Variants in GINS3 observed in about 807,000 individuals in gnomAD.
The protein encoded by GINS3 is DNA replication complex GINS protein PSF3.
GINS3 carries 18 observed loss-of-function variants against 20.0 expected under a neutral mutation model. That is an observed-to-expected ratio of 0.90 (90% CI 0.62 to 1.33). The LOEUF (loss-of-function observed/expected upper bound fraction) is 1.33, where lower values mean the gene tolerates loss of function less well. Among genes scored for constraint, GINS3 ranks in the 40% most tolerant of loss-of-function variants. GINS3 has a pLI of 0.00. For missense variants in GINS3, 254 were observed against 273.6 expected (o/e 0.93, Z 0.51); for synonymous variants, 109 against 107.0 (o/e 1.02, Z -0.12).
Position 58,392,712 on chromosome 16 carries a change from GA to G in GINS3, c.112del (p.Thr38ProfsTer128). 6.2e-7 allele frequency: 1 copy of G among 1,614,224 alleles called. No individual in the cohort carries two copies. Among genetic ancestry groups the G allele is most frequent in the Non-Finnish European group, 8.5e-7 (1 of 1,180,048 alleles). On this transcript the variant is annotated frameshift_variant, in exon 1 of 3. Transcript: ENST00000318129. LOFTEE classifies it high-confidence loss of function. The part of the protein sequence containing the change: ...SHEKLPVRTE[T>X]AMPRLGAFFL... The stretch of plus-strand genomic sequence containing the variant: ...ACGAGAAGCTGCCGGTGCGCACGGA[GA>G]CCGCCATGCCTCGCCTTGGCGCTTT...
chr16:58,403,462 C>T (rs1253146794), intron 2 of GINS3, 131 bp downstream of exon 2: 7 of 641,682 alleles, frequency 1.1e-5, no homozygotes, highest in Non-Finnish European at 1.9e-5. Context: ...CCTACAGTTA[C>T]ACTGTCTGTC....
chr16:58,406,109 A>G lies in GINS3; in HGVS notation c.*1380A>G, dbSNP rs911965075. The G allele has an allele frequency of 1.8e-5, 2 of 111,952 alleles. No individual in the cohort carries two copies. Among genetic ancestry groups the G allele is most frequent in the African/African-American group, 3.7e-5 (1 of 27,326 alleles). The allele number at this position is 111,952 out of a possible 1,614,324, so 6.9% of individuals were successfully genotyped here. On this transcript the variant is annotated 3_prime_UTR_variant, in exon 3 of 3. Coordinates refer to ENST00000318129, the MANE Select transcript of GINS3 (RefSeq NM_022770.4). ...AGCTATCAGAATTGTGTCTTTGATC[A>G]TATTTGACGGTAATACACAAATCCA...
chr16:58,401,680 G>A (rs1231079385), intron 1 of GINS3, among the ~76,000 whole-genome samples: 1 of 152,210 alleles, frequency 6.6e-6, no homozygotes, highest in African/African-American at 2.4e-5. Context: ...CAACCCAGAA[G>A]CCCAGCCGGC....
At chr16:58,397,840 G>A (rs1405995156) in intron 1 of GINS3, among the ~76,000 whole-genome samples, 1 of 152,130 alleles carries the variant, frequency 6.6e-6, no homozygotes, top group Non-Finnish European at 1.5e-5. Context: ...GAGAGGGAAA[G>A]GGAGAGGGAG....
chr16:58,403,490 T>TACACACACAC (rs112280214), intron 2 of GINS3, 159 bp downstream of exon 2: 1 of 563,478 alleles, frequency 1.8e-6, no homozygotes, highest in African/African-American at 2.1e-5. Flanking sequence ...TATATTTACA[T>TACACACACAC]ATATACACAC....
intron 1 of GINS3, among the ~76,000 whole-genome samples, chr16:58,402,484 C>T (rs1246121634): frequency 1.1e-4 from 17 of 152,192 alleles, no homozygotes; most frequent in African/African-American, 4.1e-4. Context: ...TTGGCTCTTA[C>T]TGCTTCATTC....
chr16:58,395,179 G>T, intron 1 of GINS3: 1 of 425,582 alleles, frequency 2.3e-6, no homozygotes, highest in South Asian at 7.0e-5. Flanking sequence ...AGGCTCCAGA[G>T]ATCCTCCCAC....
chr16:58,404,512 GT>G lies in GINS3; in HGVS notation c.438del (p.Arg147AlafsTer19), dbSNP rs768487267. 2.0e-5 allele frequency: 32 copies of G among 1,613,800 alleles called. No homozygotes were observed. The highest frequency in any genetic ancestry group is 1.5e-5 in the Non-Finnish European group (18 of 1,179,850). On this transcript the variant is annotated frameshift_variant, in exon 3 of 3. Coordinates refer to ENST00000318129, the MANE Select transcript of GINS3 (RefSeq NM_022770.4). LOFTEE classifies it high-confidence loss of function. ...CTTGTTTCCCAGACTTTTATCGGAC[GT>G]TTTCGCCGCATCATGGACTCCTCAC... is the stretch of plus-strand genomic sequence containing the variant. ...SQSLLQTFIG[R>X]FRRIMDSSQN...
At chr16:58,393,396 A>G (rs1208564788) in intron 1 of GINS3, among the ~76,000 whole-genome samples, 2 of 152,184 alleles carry the variant, frequency 1.3e-5, no homozygotes, top group African/African-American at 2.4e-5. Flanking sequence ...CCAAGGCCAT[A>G]TGGCTTCAAA....
rs949176759 is a variant in GINS3 at position 58,406,132 on chromosome 16, C to T, written c.*1403C>T. On this transcript the variant is annotated 3_prime_UTR_variant, in exon 3 of 3. Coordinates refer to ENST00000318129, the MANE Select transcript of GINS3 (RefSeq NM_022770.4). The stretch of plus-strand genomic sequence containing the variant: ...TCATATTTGACGGTAATACACAAAT[C>T]CATGTTTTAGCAGCTGCTCTTTTGC... 2 of 92,986 alleles carry T rather than the reference C, an allele frequency of 2.2e-5. No individual in the cohort carries two copies. The highest frequency in any genetic ancestry group is 4.7e-5 in the Non-Finnish European group (2 of 42,620). The allele number at this position is 92,986 out of a possible 1,614,324, so 5.8% of individuals were successfully genotyped here.
chr16:58,404,759 C>A lies in GINS3; in HGVS notation c.*30C>A. ...CGGAAGAACACAGAATGGCTCCTCA[C>A]AGACGTATCCCTCCGTGTGTCCTTG... On this transcript the variant is annotated 3_prime_UTR_variant, in exon 3 of 3. Transcript: ENST00000318129. The A allele has an allele frequency of 1.3e-6, 2 of 1,495,604 alleles. No homozygotes were observed. The highest frequency in any genetic ancestry group is 1.9e-6 in the Non-Finnish European group (2 of 1,078,048). The allele number at this position is 1,495,604 out of a possible 1,614,324, so 92.6% of individuals were successfully genotyped here. A position where few individuals can be genotyped will look rare whatever the true frequency, so the allele number is the denominator to read the frequency against.
At position 58,403,317 on chromosome 16, in the gene GINS3, C is replaced by A; in HGVS notation, c.406C>A (p.Gln136Lys). ...FDSPENADIS[Q>K]SLLQTFIGRF... ...CAGTCCCGAGAATGCAGACATTTCC[C>A]AGTCTCTGCTGCAGGCAAGTAATGG... The change falls in exon 2 of 3, where the codon CAG (glutamine) becomes AAG (lysine). Residue 136 changes from glutamine to lysine, a missense_variant. Transcript: ENST00000318129. The A allele has an allele frequency of 6.2e-7, 1 of 1,613,824 alleles. No homozygotes were observed. Among genetic ancestry groups the A allele is most frequent in the Non-Finnish European group, 8.5e-7 (1 of 1,179,878 alleles).
intron 1 of GINS3, among the ~76,000 whole-genome samples, chr16:58,399,248 C>T (rs1407541394): frequency 1.3e-5 from 2 of 150,956 alleles, no homozygotes; most frequent in Non-Finnish European, 2.9e-5. Flanking sequence ...TAGAAGACCA[C>T]TGCACTCCAG....
chr16:58,403,767 C>G (rs1330277615), intron 2 of GINS3: 1 of 178,622 alleles, frequency 5.6e-6, no homozygotes, highest in Non-Finnish European at 1.2e-5. Flanking sequence ...GGCTATGGTG[C>G]ATTACAGGTG....
Position 58,404,780 on chromosome 16 carries a change from C to A in GINS3, c.*51C>A. ...CTCACAGACGTATCCCTCCGTGTGT[C>A]CTTGATAGGAGCTGGTTGACCTTGT... On this transcript the variant is annotated 3_prime_UTR_variant, in exon 3 of 3. Coordinates refer to ENST00000318129, the MANE Select transcript of GINS3 (RefSeq NM_022770.4). The A allele has an allele frequency of 7.7e-7, 1 of 1,300,386 alleles. No homozygotes were observed. The highest frequency in any genetic ancestry group is 1.1e-6 in the Non-Finnish European group (1 of 910,624). 80.6% of individuals were successfully genotyped at this position (1,300,386 alleles called of 1,614,324 possible).
chr16:58,395,682 A>G (rs1965843762), intron 1 of GINS3, among the ~76,000 whole-genome samples: 1 of 152,212 alleles, frequency 6.6e-6, no homozygotes. Flanking sequence ...CCAAGGCAGA[A>G]GAATTTTTCT....
At chr16:58,394,836 A>G (rs1596954177) in intron 1 of GINS3, among the ~76,000 whole-genome samples, 1 of 152,210 alleles carries the variant, frequency 6.6e-6, no homozygotes, top group South Asian at 2.1e-4. Context: ...ACCTTTTCAT[A>G]CTGTACTCTT....
At chr16:58,399,763 T>C (rs1224399160) in intron 1 of GINS3, among the ~76,000 whole-genome samples, 1 of 152,184 alleles carries the variant, frequency 6.6e-6, no homozygotes, top group Non-Finnish European at 1.5e-5. Flanking sequence ...GTTTATTTAG[T>C]TATATATTCT....
intron 2 of GINS3, 30 bp downstream of exon 2, chr16:58,403,361 CTGCACT>C: frequency 6.5e-7 from 1 of 1,548,418 alleles, no homozygotes; most frequent in Non-Finnish European, 8.9e-7. Flanking sequence ...ACCTGTGGTG[CTGCACT>C]TGTCTCAAGA....
Sources: allele counts gnomAD v4.1 joint callset (sites outside exome capture counted in the v4.1 genomes callset), GRCh38; gene constraint gnomAD v4.1.1; transcripts MANE v1.5; gene names NCBI Gene and HGNC (gene_info 2026-07-23, HGNC 2026-07-21).